The following NBPF3 variants were observed in gnomAD, a reference collection of about 807,000 sequenced individuals.
NBPF3 encodes the protein NBPF member 3, also known as NBPF family member NBPF3.
NBPF3 carries 57 observed loss-of-function variants against 78.1 expected under a neutral mutation model. The observed-to-expected ratio is 0.73, with a 90% CI of 0.59 to 0.91. The LOEUF (loss-of-function observed/expected upper bound fraction) is 0.91, where lower values mean the gene tolerates loss of function less well. Ranked by LOEUF, NBPF3 falls within the 40% of genes least tolerant of loss-of-function variation. The probability of loss-of-function intolerance (pLI) is 0.00; values close to 1 mark genes in which losing one functional copy is unlikely to be tolerated. For missense variants in NBPF3, 510 were observed against 715.3 expected (o/e 0.71, Z 3.27); for synonymous variants, 182 against 271.7 (o/e 0.67, Z 3.25).
At chr1:21,479,697 T>G (rs1204637898) in intron 10 of NBPF3, among the ~76,000 whole-genome samples, 1 of 152,186 alleles carries the variant, frequency 6.6e-6, no homozygotes, top group African/African-American at 2.4e-5. Flanking sequence ...ACTCTTTTCA[T>G]GATCACTGTT....
At chr1:21,468,546 T>A in intron 2 of NBPF3, 142 bp from the exon 3 acceptor site, 1 of 1,528,438 alleles carries the variant, frequency 6.5e-7, no homozygotes, top group Non-Finnish European at 8.8e-7. Context: ...TCGTTAAGGA[T>A]CCTAAAGTGC....
At chr1:21,445,325 C>G in intron 2 of NBPF3, 106 bp downstream of exon 2, 1 of 1,277,030 alleles carries the variant, frequency 7.8e-7, no homozygotes, top group Non-Finnish European at 1.1e-6. Flanking sequence ...ATTGCAGGGC[C>G]TTGCCTGGCA....
At chr1:21,471,000 G>A (rs570634055) in intron 4 of NBPF3, among the ~76,000 whole-genome samples, 2 of 152,156 alleles carry the variant, frequency 1.3e-5, no homozygotes, top group South Asian at 4.1e-4. Flanking sequence ...ATTAACCGAA[G>A]GAGTGGGAAC....
rs1642418549 is a variant in NBPF3 at position 21,468,753 on chromosome 1, G to A, written c.199G>A (p.Glu67Lys). ...MVVSAGPWSG[E>K]KAEMNILEIN... The stretch of plus-strand genomic sequence containing the variant: ...GGTATCTGCCGGCCCTTGGTCCGGT[G>A]AGAAGGCAGAGATGAACATTCTAGA... The change falls in exon 3 of 15, where the codon GAG becomes AAG. Residue 67 changes from glutamate (E) to lysine (K), a missense_variant. Glu to Lys is a moderately conservative substitution (Grantham distance 56). This residue lies in a region of NBPF3 where 440 missense variants were observed against 478.2 expected (regional missense o/e 0.92). Transcript: ENST00000318249. 6.2e-7 allele frequency: 1 copy of A among 1,613,646 alleles called. No individual in the cohort carries two copies. Among genetic ancestry groups the A allele is most frequent in the African/African-American group, 1.3e-5 (1 of 74,916 alleles).
At chr1:21,469,664 G>A (rs902594260) in intron 3 of NBPF3, among the ~76,000 whole-genome samples, 1 of 152,214 alleles carries the variant, frequency 6.6e-6, no homozygotes, top group Admixed American at 6.5e-5. Flanking sequence ...GGCAGAGGTT[G>A]CAGTGAGCCA....
chr1:21,477,944 C>G, intron 8 of NBPF3, 200 bp from the exon 9 acceptor site: 1 of 1,104,214 alleles, frequency 9.1e-7, no homozygotes, highest in Non-Finnish European at 1.3e-6. Context: ...TGAGCACGTG[C>G]TGCCCATTTT....
chr1:21,471,083 C>T (rs11583386), intron 4 of NBPF3, among the ~76,000 whole-genome samples: 266 of 152,182 alleles, frequency 1.7e-3, no homozygotes, highest in African/African-American at 6.1e-3. Context: ...AGAATCAGCT[C>T]CTGACTGACT....
At chr1:21,445,329 C>T in intron 2 of NBPF3, 110 bp downstream of exon 2, 5 of 1,239,846 alleles carry the variant, frequency 4.0e-6, no homozygotes, top group Non-Finnish European at 5.6e-6. Flanking sequence ...CAGGGCCTTG[C>T]CTGGCATGAA....
In NBPF3 at chr1:21,471,736, C is replaced by G; in HGVS notation, c.614C>G (p.Ala205Gly). The change falls in exon 5 of 15, where the codon GCT (alanine) becomes GGT (glycine). Residue 205 changes from alanine (A) to glycine (G), a missense_variant. Physicochemically the swap from Ala to Gly is moderately conservative, Grantham distance 60. This residue lies in a region of NBPF3 where 440 missense variants were observed against 478.2 expected (regional missense o/e 0.92). Coordinates refer to ENST00000318249, the MANE Select transcript of NBPF3 (RefSeq NM_032264.6). The stretch of plus-strand genomic sequence containing the variant: ...GGACGGGACCTCCGAGAACAGCTGG[C>G]TGAGGGATGTAGGCTGGCACAGCAC... ...SQGRDLREQL[A>G]EGCRLAQHLV... 6.2e-7 allele frequency: 1 copy of G among 1,613,480 alleles called. No individual in the cohort carries two copies. The highest frequency in any genetic ancestry group is 8.5e-7 in the Non-Finnish European group (1 of 1,179,872).
rs567204117 is a variant in NBPF3 at position 21,461,710 on chromosome 1, G to A, written c.134-6978G>A. Reference sequence around the variant, plus strand: ...ACGCCTGACCTCAGGTGATCTGCCCGCCTCAGCCTTGCAAAGTCTTGGGAT... The same window carrying A: ...ACGCCTGACCTCAGGTGATCTGCCCACCTCAGCCTTGCAAAGTCTTGGGAT... On this transcript the variant is annotated intron_variant, in intron 2 of 14. Transcript: ENST00000318249. Among the ~76,000 whole-genome samples, 511 of 152,216 alleles carry A rather than the reference G, an allele frequency of 3.4e-3. 3 individuals are homozygous for A. The highest frequency in any genetic ancestry group is 0.012 in the African/African-American group (482 of 41,518).
chr1:21,459,672 G>A, intron 2 of NBPF3: 3 of 368,654 alleles, frequency 8.1e-6, no homozygotes, highest in South Asian at 7.7e-5. Context: ...TCAGTACTGG[G>A]AACGCTGAAG....
chr1:21,464,093 A>G (rs944832862), intron 2 of NBPF3, among the ~76,000 whole-genome samples: 1 of 152,266 alleles, frequency 6.6e-6, no homozygotes, highest in Non-Finnish European at 1.5e-5. Flanking sequence ...ATAAAGTGAC[A>G]TATGATGCAG....
chr1:21,448,972 T>A (rs181041666), intron 2 of NBPF3, among the ~76,000 whole-genome samples: 65 of 152,348 alleles, frequency 4.3e-4, no homozygotes, highest in African/African-American at 1.5e-3. Context: ...TTTAAAGAAT[T>A]ACTTGTTATA....
rs1570088276 is a variant in NBPF3 at position 21,476,784 on chromosome 1, G to A, written c.993-1360G>A. ...GTTGCTCTTCTCGAGGAGTATCTTT[G>A]TGGTGTTCTCTGTATTTCCTGAATT... On this transcript the variant is annotated intron_variant, in intron 8 of 14. Coordinates refer to ENST00000318249, the MANE Select transcript of NBPF3 (RefSeq NM_032264.6). The surrounding 1 kb of genome is among the most constrained non-coding windows in gnomAD (Gnocchi z 4.1). Among the ~76,000 whole-genome samples the A allele has an allele frequency of 6.6e-6, 1 of 152,248 alleles. No homozygotes were observed. The highest frequency in any genetic ancestry group is 3.4e-3 in the Middle Eastern group (1 of 294).
At chr1:21,443,058 T>G (rs1396195372) in intron 1 of NBPF3, among the ~76,000 whole-genome samples, 1 of 152,204 alleles carries the variant, frequency 6.6e-6, no homozygotes, top group Non-Finnish European at 1.5e-5. Context: ...GCACTTTTCT[T>G]CATAAATCGA....
At position 21,476,100 on chromosome 1, in the gene NBPF3, C is replaced by CT. The variant is rs138794006; in HGVS notation, c.992+1157dup. On this transcript the variant is annotated intron_variant, in intron 8 of 14. Transcript: ENST00000318249. The surrounding 1 kb of genome is among the most constrained non-coding windows in gnomAD (Gnocchi z 4.1). ...TCAAAGACTAGGATTGCAACCCCTG[C>CT]TTTTTTTTGCTCTCCATTTGCTTGG... Among the ~76,000 whole-genome samples, 101,410 of 151,486 alleles carry CT rather than the reference C, an allele frequency of 0.67. 35,120 individuals are homozygous for CT. The highest frequency in any genetic ancestry group is 0.87 in the South Asian group (4,184 of 4,800).
At chr1:21,449,472 T>TTATTTATA in intron 2 of NBPF3, among the ~76,000 whole-genome samples, 1 of 151,790 alleles carries the variant, frequency 6.6e-6, no homozygotes, top group Non-Finnish European at 1.5e-5. Context: ...ATTTATTTAT[T>TTATTTATA]TATTTATTTA....
intron 2 of NBPF3, among the ~76,000 whole-genome samples, chr1:21,466,326 A>C (rs547675662): frequency 3.2e-4 from 49 of 152,324 alleles, no homozygotes; most frequent in Non-Finnish European, 5.9e-4. Context: ...TGAGAATTTA[A>C]TCTCAAAACA....
intron 2 of NBPF3, among the ~76,000 whole-genome samples, chr1:21,451,368 GTTGT>G (rs1026151782): frequency 2.6e-4 from 39 of 152,352 alleles, no homozygotes; most frequent in African/African-American, 9.4e-4. Flanking sequence ...AGAATAGGCA[GTTGT>G]TTGGTTCTGT....
Sources: gnomAD v4.1 joint callset for allele counts (sites outside exome capture counted in the v4.1 genomes callset) on GRCh38, gnomAD v4.1.1 for gene constraint, gnomAD v4.1.1 regional missense constraint, Gnocchi (gnomAD v3.1) non-coding constraint, MANE v1.5 for transcripts, NCBI Gene and HGNC (gene_info 2026-07-23, HGNC 2026-07-21) for gene names.